The following CEP128 variants were observed in gnomAD, a reference collection of about 807,000 sequenced individuals.
CEP128 encodes the protein centrosomal protein 128, also known as centrosomal protein 128kDa.
Under a neutral mutation model 156.7 loss-of-function variants are expected in CEP128, and 132 were observed. That is an observed-to-expected ratio of 0.84 (90% confidence interval 0.73 to 0.97). The LOEUF is 0.97. Among genes scored for constraint, CEP128 ranks in the 50% least tolerant of loss-of-function variants. The pLI, the probability that CEP128 is intolerant of heterozygous loss-of-function variation, is 0.00. For missense variants in CEP128, 1,252 were observed against 1,281.9 expected (o/e 0.98, Z 0.36); for synonymous variants, 469 against 448.9 (o/e 1.04, Z -0.57).
intron 8 of CEP128, among the ~76,000 whole-genome samples, chr14:80,878,917 G>A (rs1326818249): frequency 2.0e-5 from 3 of 152,128 alleles, no homozygotes; most frequent in East Asian, 1.9e-4. Context: ...TGTGAACCAC[G>A]TCAGATCCAA....
At chr14:80,545,930 T>C (rs1422302869) in intron 21 of CEP128, among the ~76,000 whole-genome samples, 1 of 152,184 alleles carries the variant, frequency 6.6e-6, no homozygotes, top group African/African-American at 2.4e-5. Flanking sequence ...GTCAACTGAA[T>C]CTGGGGGTGA....
chr14:80,619,576 C>G (rs1893384534), intron 19 of CEP128, among the ~76,000 whole-genome samples: 1 of 151,540 alleles, frequency 6.6e-6, no homozygotes, highest in African/African-American at 2.4e-5. Flanking sequence ...GTGGTGGGTG[C>G]CTATAGTCCC....
intron 15 of CEP128, among the ~76,000 whole-genome samples, chr14:80,783,975 T>C (rs12896065): frequency 0.33 from 50,447 of 152,056 alleles, 9,673 homozygotes; most frequent in Non-Finnish European, 0.43. Flanking sequence ...ATAGAATAGC[T>C]ACATCATTTT....
intron 14 of CEP128, among the ~76,000 whole-genome samples, chr14:80,481,260 T>C (rs576776667): frequency 2.0e-5 from 3 of 152,268 alleles, no homozygotes; most frequent in South Asian, 2.1e-4. Flanking sequence ...ACTTCTTACA[T>C]GGCAGCAGCA....
rs1222552710 is a variant in CEP128, at chr14:80,532,201, A to ATT, written c.2881-1317_2881-1316dup. Among the ~76,000 whole-genome samples, 91 of 147,240 alleles carry ATT rather than the reference A, an allele frequency of 6.2e-4. 1 individual carries two copies. The highest frequency in any genetic ancestry group is 2.1e-3 in the African/African-American group (82 of 39,038). ...CTCAATTATGAGTATATATATATAT[A>ATT]TTTTTTTTCTGAGACAGGGTCTCGC... is the stretch of plus-strand genomic sequence containing the variant. On this transcript the variant is annotated intron_variant, in intron 21 of 24. Transcript: ENST00000555265.
At chr14:80,479,847 C>A (rs1362515017) in intron 14 of CEP128, among the ~76,000 whole-genome samples, 2 of 152,224 alleles carry the variant, frequency 1.3e-5, no homozygotes, top group East Asian at 3.9e-4. Flanking sequence ...AAGCTAGTTA[C>A]TTCCTAGATA....
intron 19 of CEP128, among the ~76,000 whole-genome samples, chr14:80,615,122 T>G (rs1595091956): frequency 6.6e-6 from 1 of 152,172 alleles, no homozygotes; most frequent in African/African-American, 2.4e-5. Flanking sequence ...ATCAGCTCAG[T>G]GCTATGACCC....
intron 19 of CEP128, among the ~76,000 whole-genome samples, chr14:80,687,814 G>A (rs910809881): frequency 3.9e-5 from 6 of 152,094 alleles, no homozygotes; most frequent in East Asian, 1.9e-4. Flanking sequence ...ACTCATGCAC[G>A]AAAATAAACA....
chr14:80,530,517 C>G (rs1471970161), intron 22 of CEP128, among the ~76,000 whole-genome samples: 1 of 152,164 alleles, frequency 6.6e-6, no homozygotes. Context: ...ATGTGTAACT[C>G]CCTTTAATTC....
chr14:80,916,391 T>G lies in CEP128; in HGVS notation c.147+10A>C. 1 of 1,607,510 alleles carries G rather than the reference T, an allele frequency of 6.2e-7. No individual in the cohort carries two copies. Among genetic ancestry groups the G allele is most frequent in the Non-Finnish European group, 8.5e-7 (1 of 1,176,410 alleles). ...TAAATTCTATTAAATGCAACCATTG[T>G]TAAACTAACCTGTAAAGTACTTGTT... On this transcript the variant is annotated intron_variant, in intron 3 of 24. Coordinates refer to ENST00000555265, the MANE Select transcript of CEP128 (RefSeq NM_152446.5).
chr14:80,823,795 T>A (rs1052924247), intron 13 of CEP128, among the ~76,000 whole-genome samples: 1 of 152,192 alleles, frequency 6.6e-6, no homozygotes, highest in South Asian at 2.1e-4. Flanking sequence ...AGGTACACAG[T>A]GCAAGCTGTT....
chr14:80,826,827 T>A lies in CEP128; in HGVS notation c.1209+4316A>T, dbSNP rs961830220. Among the ~76,000 whole-genome samples, 10 of 152,124 alleles carry A rather than the reference T, an allele frequency of 6.6e-5. 1 individual carries two copies. Among genetic ancestry groups the A allele is most frequent in the African/African-American group, 9.7e-5 (4 of 41,424 alleles). On this transcript the variant is annotated intron_variant, in intron 13 of 24. Transcript: ENST00000555265. ...CAAATTTTTTTTCAAGAAGAGTAAG[T>A]TGACGGAAGATGGAGGCAAAGATTA...
intron 19 of CEP128, among the ~76,000 whole-genome samples, chr14:80,623,903 G>A (rs527938020): frequency 3.9e-5 from 6 of 152,128 alleles, no homozygotes; most frequent in East Asian, 1.9e-4. Flanking sequence ...CATCATCTTC[G>A]GCATTTATCC....
chr14:80,519,237 T>C (rs112778641), intron 23 of CEP128, among the ~76,000 whole-genome samples: 1 of 152,218 alleles, frequency 6.6e-6, no homozygotes, highest in African/African-American at 2.4e-5. Flanking sequence ...ACTTGCATTT[T>C]CTAATATTTT....
At chr14:80,820,834 T>C (rs1885124823) in intron 13 of CEP128, among the ~76,000 whole-genome samples, 2 of 152,242 alleles carry the variant, frequency 1.3e-5, no homozygotes, top group African/African-American at 2.4e-5. Context: ...TGCCACAAGT[T>C]TGCCAAATTT....
intron 13 of CEP128, among the ~76,000 whole-genome samples, chr14:80,810,206 C>A (rs1884428076): frequency 6.7e-6 from 1 of 150,182 alleles, no homozygotes; most frequent in Non-Finnish European, 1.5e-5. Flanking sequence ...GCCTGTAGTC[C>A]CAACCACTCG....
chr14:80,933,572 G>C (rs1380236608), intron 2 of CEP128, among the ~76,000 whole-genome samples: 1 of 152,272 alleles, frequency 6.6e-6, no homozygotes, highest in East Asian at 1.9e-4. Flanking sequence ...TTGACCTGTG[G>C]TAAGCTAAAT....
At chr14:80,717,973 C>T (rs1196635735) in intron 19 of CEP128, among the ~76,000 whole-genome samples, 1 of 152,040 alleles carries the variant, frequency 6.6e-6, no homozygotes, top group Admixed American at 6.6e-5. Flanking sequence ...CACCATCACA[C>T]TCAGCTAACT....
chr14:80,583,427 AC>A (rs994173392), intron 19 of CEP128, among the ~76,000 whole-genome samples: 79 of 152,166 alleles, frequency 5.2e-4, no homozygotes, highest in African/African-American at 1.9e-3. Flanking sequence ...GGCCTAACTA[AC>A]CTTTCCTGCT....
Sources: gnomAD v4.1 joint callset for allele counts (sites outside exome capture counted in the v4.1 genomes callset) on GRCh38, gnomAD v4.1.1 for gene constraint, MANE v1.5 for transcripts, NCBI Gene and HGNC (gene_info 2026-07-23, HGNC 2026-07-21) for gene names.